The following ZNF385D variants were observed in gnomAD, a reference collection of about 807,000 sequenced individuals.
ZNF385D encodes zinc finger protein 385D, also known as zinc finger protein 659.
Under a neutral mutation model 35.8 loss-of-function variants are expected in ZNF385D, and 15 were observed. That is an observed-to-expected ratio of 0.42 (90% CI 0.28 to 0.64). The LOEUF is 0.64. Among genes scored for constraint, ZNF385D ranks in the 30% least tolerant of loss-of-function variants. The pLI, the probability that ZNF385D is intolerant of heterozygous loss-of-function variation, is 0.23. For missense variants in ZNF385D, 474 were observed against 494.6 expected (o/e 0.96, Z 0.39); for synonymous variants, 212 against 186.8 (o/e 1.13, Z -1.10).
chr3:22,362,479 T>G (rs1165056241), intron 2 of ZNF385D, among the ~76,000 whole-genome samples: 1 of 152,122 alleles, frequency 6.6e-6, no homozygotes, highest in African/African-American at 2.4e-5. Flanking sequence ...TCAAATACTT[T>G]TTTAACTCAA....
chr3:21,711,992 A>T (rs2068127025), intron 1 of ZNF385D, among the ~76,000 whole-genome samples: 1 of 152,206 alleles, frequency 6.6e-6, no homozygotes, highest in Non-Finnish European at 1.5e-5. Flanking sequence ...CCTATAGCTG[A>T]TTATAACAAT....
intron 3 of ZNF385D, among the ~76,000 whole-genome samples, chr3:22,031,357 T>C (rs572980522): frequency 6.6e-6 from 1 of 152,068 alleles, no homozygotes; most frequent in Non-Finnish European, 1.5e-5. Context: ...TGTCTGGACA[T>C]CCAGGTATTT....
chr3:21,844,609 G>A (rs1397170542), intron 3 of ZNF385D, among the ~76,000 whole-genome samples: 1 of 151,970 alleles, frequency 6.6e-6, no homozygotes, highest in Non-Finnish European at 1.5e-5. Context: ...GTTAAGTTTT[G>A]CATGGTAAAC....
rs146528240 is a variant in ZNF385D, at chr3:21,995,428, G to C, written c.325+173389C>G. ...GTGAGTGAGGCTAGTTTATCCCCAG[G>C]ATCTCAGATGACATGCTTGGGCACT... On this transcript the variant is annotated intron_variant, in intron 3 of 5. Coordinates refer to the ZNF385D transcript ENST00000494108. 2.6e-3 allele frequency among the ~76,000 whole-genome samples: 392 copies of C among 152,216 alleles called. 1 individual carries two copies. The highest frequency in any genetic ancestry group is 0.01 in the Middle Eastern group (3 of 294).
Position 22,139,771 on chromosome 3 carries a change from A to C in ZNF385D, c.325+29046T>G, listed in dbSNP as rs141334553. ...CCTAAAACTTAAAGTATAATAAAAC[A>C]AAAAAAAGAATAGTTCATTAAGTAG... On this transcript the variant is annotated intron_variant, in intron 3 of 5. Coordinates refer to the ZNF385D transcript ENST00000494108. Among the ~76,000 whole-genome samples the C allele has an allele frequency of 1.3e-3, 175 of 137,622 alleles. 1 individual carries two copies. The highest frequency in any genetic ancestry group is 5.0e-3 in the African/African-American group (163 of 32,334). The allele number at this position is 137,622 out of a possible 152,430, so 90.3% of individuals were successfully genotyped here. A position where few individuals can be genotyped will look rare whatever the true frequency, so the allele number is the denominator to read the frequency against.
At chr3:21,975,452 T>C (rs1703536781) in intron 3 of ZNF385D, among the ~76,000 whole-genome samples, 2 of 152,020 alleles carry the variant, frequency 1.3e-5, no homozygotes, top group Middle Eastern at 3.4e-3. Context: ...AAATATATGG[T>C]TAGATAGAAT....
intron 1 of ZNF385D, among the ~76,000 whole-genome samples, chr3:21,736,201 G>A (rs2069234065): frequency 6.6e-6 from 1 of 152,144 alleles, no homozygotes; most frequent in African/African-American, 2.4e-5. Flanking sequence ...GAGTAAATGA[G>A]TGCATGTTTG....
intron 4 of ZNF385D, among the ~76,000 whole-genome samples, chr3:21,447,569 T>C (rs1020683952): frequency 1.3e-5 from 2 of 152,224 alleles, no homozygotes; most frequent in Non-Finnish European, 2.9e-5. Context: ...TATGTAGTAA[T>C]GGCCTTCCTT....
At chr3:21,531,854 C>T (rs948883986) in intron 3 of ZNF385D, among the ~76,000 whole-genome samples, 3 of 152,130 alleles carry the variant, frequency 2.0e-5, no homozygotes, top group African/African-American at 7.2e-5. Flanking sequence ...ATAGAATATA[C>T]GACACCAATT....
chr3:21,564,132 G>A (rs568496573), intron 3 of ZNF385D, among the ~76,000 whole-genome samples: 13 of 151,994 alleles, frequency 8.6e-5, no homozygotes, highest in South Asian at 2.1e-4. Context: ...AGGACATAGC[G>A]GTAATATGGA....
chr3:21,984,780 G>T (rs1472840064), intron 3 of ZNF385D, among the ~76,000 whole-genome samples: 1 of 120,214 alleles, frequency 8.3e-6, no homozygotes, highest in Non-Finnish European at 1.8e-5. Context: ...TCACGATATT[G>T]ATTCTTCCTA....
At chr3:21,660,184 C>A (rs1263842950) in intron 2 of ZNF385D, among the ~76,000 whole-genome samples, 1 of 152,042 alleles carries the variant, frequency 6.6e-6, no homozygotes, top group African/African-American at 2.4e-5. Context: ...ATGATAAAAT[C>A]ATATTATACA....
chr3:21,965,909 A>C (rs1702887075), intron 3 of ZNF385D, among the ~76,000 whole-genome samples: 1 of 152,198 alleles, frequency 6.6e-6, no homozygotes, highest in African/African-American at 2.4e-5. Context: ...ACCTGCAAAT[A>C]ATTAGTGAAT....
intron 1 of ZNF385D, among the ~76,000 whole-genome samples, chr3:21,734,366 T>C (rs1160288670): frequency 6.6e-6 from 1 of 151,840 alleles, no homozygotes; most frequent in Non-Finnish European, 1.5e-5. Context: ...TTTTTTGTTT[T>C]TCTTTTTTAA....
intron 3 of ZNF385D, among the ~76,000 whole-genome samples, chr3:22,156,284 G>A (rs1181601990): frequency 6.6e-6 from 1 of 152,004 alleles, no homozygotes; most frequent in Non-Finnish European, 1.5e-5. Flanking sequence ...TTGGAATAAA[G>A]TATACATACT....
At chr3:21,716,539 C>G (rs961727100) in intron 1 of ZNF385D, among the ~76,000 whole-genome samples, 5 of 152,096 alleles carry the variant, frequency 3.3e-5, no homozygotes, top group Admixed American at 2.0e-4. Context: ...CTATGAATAA[C>G]CTGTGCCTGG....
chr3:22,150,637 T>A (rs933761269), intron 3 of ZNF385D, among the ~76,000 whole-genome samples: 2 of 152,132 alleles, frequency 1.3e-5, no homozygotes, highest in African/African-American at 4.8e-5. Context: ...TCCACTAACG[T>A]TAAATTACAG....
chr3:21,981,033 T>G (rs1488899413), intron 3 of ZNF385D, among the ~76,000 whole-genome samples: 1 of 152,194 alleles, frequency 6.6e-6, no homozygotes, highest in Non-Finnish European at 1.5e-5. Context: ...AACATTCACG[T>G]GCATGTGTCT....
chr3:22,265,235 C>CAGACCAAA (rs1700837828), intron 2 of ZNF385D, among the ~76,000 whole-genome samples: 1 of 151,890 alleles, frequency 6.6e-6, no homozygotes, highest in African/African-American at 2.4e-5. Flanking sequence ...GGGCGACCTA[C>CAGACCAAA]TCAGATAATA....
Sources: gnomAD v4.1 joint callset for allele counts (sites outside exome capture counted in the v4.1 genomes callset) on GRCh38, gnomAD v4.1.1 for gene constraint, MANE v1.5 for transcripts, NCBI Gene and HGNC (gene_info 2026-07-23, HGNC 2026-07-21) for gene names.